WDFY4: variants seen among roughly 807,000 people sequenced by gnomAD.
WDFY4 encodes the protein WD repeat- and FYVE domain-containing protein 4.
WDFY4 carries 169 observed loss-of-function variants against 351.9 expected under a neutral mutation model. The ratio of observed to expected loss-of-function variants is 0.48; its 90% CI spans 0.42 to 0.55. The LOEUF is 0.55. WDFY4 is among the 20% of genes least tolerant of loss of function. The pLI is 0.00. For missense variants in WDFY4, 3,803 were observed against 3,935.6 expected (o/e 0.97, Z 0.90); for synonymous variants, 1,622 against 1,574.6 (o/e 1.03, Z -0.71).
chr10:48,748,377 A>G (rs532598834), intron 12 of WDFY4, among the ~76,000 whole-genome samples: 5 of 152,326 alleles, frequency 3.3e-5, no homozygotes, highest in Non-Finnish European at 7.4e-5. Flanking sequence ...AAGGTCACAC[A>G]TTTAGTAAAT....
chr10:48,804,762 T>C (rs1431137812), intron 25 of WDFY4: 1 of 972,372 alleles, frequency 1.0e-6, no homozygotes, highest in African/African-American at 1.9e-5. Context: ...ATTGGATTTG[T>C]GAGTATCTGA....
chr10:48,729,736 T>G (rs2064391359), intron 8 of WDFY4, 147 bp downstream of exon 8: 1 of 1,079,240 alleles, frequency 9.3e-7, no homozygotes, highest in Admixed American at 2.9e-5. Flanking sequence ...GTTATGAATA[T>G]CTCCCATGGG....
At chr10:48,849,388 A>T (rs563791916) in intron 39 of WDFY4, among the ~76,000 whole-genome samples, 1 of 152,360 alleles carries the variant, frequency 6.6e-6, no homozygotes, top group African/African-American at 2.4e-5. Flanking sequence ...ACCATTTTGT[A>T]CATCAATCAG....
intron 39 of WDFY4, among the ~76,000 whole-genome samples, chr10:48,852,401 A>G (rs1001646482): frequency 6.6e-6 from 1 of 152,236 alleles, no homozygotes; most frequent in Admixed American, 6.5e-5. Flanking sequence ...GTGCACATGC[A>G]TAACTTCTTT....
chr10:48,818,094 C>CTAAA (rs967936083), intron 32 of WDFY4, among the ~76,000 whole-genome samples: 4 of 152,092 alleles, frequency 2.6e-5, no homozygotes, highest in African/African-American at 9.7e-5. Context: ...GAGGTGAGGA[C>CTAAA]TAAAGAAGAA....
rs950594468 is a variant in WDFY4 at position 48,978,404 on chromosome 10, T to G, written c.9376+11T>G. On this transcript the variant is annotated intron_variant, in intron 60 of 61. Coordinates refer to ENST00000325239, the MANE Select transcript of WDFY4 (RefSeq NM_001394531.1). ...CTCCAAGCCCAAGAGGTACCTGACC[T>G]GCTAGGGATGTGGCCGTCCTGGCCT... 9 of 1,547,648 alleles carry G rather than the reference T, an allele frequency of 5.8e-6. No homozygotes were observed. The Admixed American group carries it at 1.2e-4, about 20-fold the overall frequency.
chr10:48,805,323 A>G lies in WDFY4; in HGVS notation c.4548A>G (p.Leu1516=). The change falls in exon 26 of 62, where the codon CTA becomes CTG. Residue 1516 remains leucine (L), a synonymous_variant. Coordinates refer to ENST00000325239, the MANE Select transcript of WDFY4 (RefSeq NM_001394531.1). ...AGCTTATACCCAAGCTCATCTTCCT[A>G]TTCAATGAGCCGAGCCTCATCCCCT... The part of the protein sequence containing the change: ...QAQLIPKLIF[L]FNEPSLIPSK... The G allele has an allele frequency of 5.8e-6, 9 of 1,548,568 alleles. No homozygotes were observed. Among genetic ancestry groups the G allele is most frequent in the Non-Finnish European group, 7.0e-6 (8 of 1,146,970 alleles).
At chr10:48,959,076 C>T (rs947850395) in intron 52 of WDFY4, among the ~76,000 whole-genome samples, 2 of 152,174 alleles carry the variant, frequency 1.3e-5, no homozygotes, top group African/African-American at 4.8e-5. Flanking sequence ...TTCCTGTCAT[C>T]ACCTTAAATT....
rs185780840 is a variant in WDFY4 at position 48,903,088 on chromosome 10, C to T, written c.7586+1225C>T. 8.6e-3 allele frequency among the ~76,000 whole-genome samples: 1,304 copies of T among 152,020 alleles called. 12 individuals carry two copies. The highest frequency in any genetic ancestry group is 0.029 in the African/African-American group (1,219 of 41,444). Reference sequence around the variant, plus strand: ...TCGCGCCACTGCACTCCAGCCTGGGCGACAGAGCAAGACTCTGTCTAAAAA... The same window carrying T: ...TCGCGCCACTGCACTCCAGCCTGGGTGACAGAGCAAGACTCTGTCTAAAAA... On this transcript the variant is annotated intron_variant, in intron 47 of 61. Coordinates refer to ENST00000325239, the MANE Select transcript of WDFY4 (RefSeq NM_001394531.1).
chr10:48,776,096 G>A (rs747129545), intron 15 of WDFY4, among the ~76,000 whole-genome samples: 27 of 152,294 alleles, frequency 1.8e-4, no homozygotes, highest in East Asian at 1.7e-3. Context: ...ACAGCAGTAC[G>A]TGGCGCTGCA....
chr10:48,796,450 G>A lies in WDFY4; in HGVS notation c.4410G>A (p.Glu1470=), dbSNP rs1431721317. 6.5e-7 allele frequency: 1 copy of A among 1,550,290 alleles called. No individual in the cohort carries two copies. The highest frequency in any genetic ancestry group is 8.7e-7 in the Non-Finnish European group (1 of 1,146,926). The change falls in exon 24 of 62, where the codon GAG becomes GAA. Residue 1470 remains glutamate, a splice_region_variant and synonymous_variant. Transcript: ENST00000325239. ...TCCAGCACATCCTCTGCAATTTCGA[G>A]GTAAATCAGAGATTGGCCCTTAGTC... ...GVFQHILCNF[E]LWMNTADNLE... is the part of the protein sequence containing the mutation.
intron 19 of WDFY4, among the ~76,000 whole-genome samples, 189 bp downstream of exon 19, chr10:48,780,308 A>G (rs1352764417): frequency 6.6e-6 from 1 of 152,236 alleles, no homozygotes; most frequent in Non-Finnish European, 1.5e-5. Context: ...TGAAAAGGAC[A>G]TCTTTAGAAA....
At chr10:48,966,247 A>C (rs1232218751) in intron 54 of WDFY4, among the ~76,000 whole-genome samples, 1 of 152,144 alleles carries the variant, frequency 6.6e-6, no homozygotes, top group African/African-American at 2.4e-5. Flanking sequence ...CTCTTCAATG[A>C]GGCCAGTCTT....
At chr10:48,824,234 C>T in intron 35 of WDFY4, 1 of 968,586 alleles carries the variant, frequency 1.0e-6, no homozygotes, top group Non-Finnish European at 1.2e-6. Flanking sequence ...TGCTGAACCA[C>T]CCAGCCTCTC....
At chr10:48,896,926 G>A (rs921586132) in intron 44 of WDFY4, among the ~76,000 whole-genome samples, 3 of 152,192 alleles carry the variant, frequency 2.0e-5, no homozygotes, top group East Asian at 1.9e-4. Flanking sequence ...TGTGTGGCAC[G>A]GCAGGTATCC....
chr10:48,941,687 G>A (rs893909187), intron 47 of WDFY4, 119 bp from the exon 48 acceptor site: 2 of 997,370 alleles, frequency 2.0e-6, no homozygotes, highest in African/African-American at 3.2e-5. Flanking sequence ...TGGGATTTGG[G>A]AAGTCTGCAG....
At chr10:48,887,230 G>C (rs1342712261) in intron 43 of WDFY4, among the ~76,000 whole-genome samples, 1 of 152,250 alleles carries the variant, frequency 6.6e-6, no homozygotes, top group East Asian at 1.9e-4. Context: ...AGGGAGGAGA[G>C]AGGGTTTGGA....
Position 48,887,834 on chromosome 10 carries a change from T to C in WDFY4, c.7168-2745T>C, listed in dbSNP as rs7098977. On this transcript the variant is annotated intron_variant, in intron 43 of 61. Transcript: ENST00000325239. ...TTACTTGTGTATTCAAAATGACTTA[T>C]CTGCAAGGATGGTCATTGTAGCATT... 2.1e-5 allele frequency among the ~76,000 whole-genome samples: 3 copies of C among 143,738 alleles called. No homozygotes were observed. The South Asian group carries it at 6.2e-4, about 30-fold the overall frequency. 94.3% of individuals were successfully genotyped at this position (143,738 alleles called of 152,430 possible). A position where few individuals can be genotyped will look rare whatever the true frequency, so the allele number is the denominator to read the frequency against.
chr10:48,962,798 C>T (rs1590001456), intron 53 of WDFY4, among the ~76,000 whole-genome samples: 1 of 152,326 alleles, frequency 6.6e-6, no homozygotes, highest in South Asian at 2.1e-4. Context: ...GTCTCCTGTC[C>T]TCCCATCTGG....
Sources: allele counts gnomAD v4.1 joint callset (sites outside exome capture counted in the v4.1 genomes callset), GRCh38; gene constraint gnomAD v4.1.1; transcripts MANE v1.5; gene names NCBI Gene and HGNC (gene_info 2026-07-23, HGNC 2026-07-21).